MKX: variants seen among roughly 807,000 people sequenced by gnomAD.
MKX encodes the protein homeobox protein Mohawk.
In MKX, 13 loss-of-function variants were observed where a neutral mutation model predicts 36.0. That is an observed-to-expected ratio of 0.36 (90% confidence interval 0.24 to 0.57). MKX has a LOEUF of 0.57. Ranked by LOEUF, MKX falls within the 20% of genes least tolerant of loss-of-function variation. The probability of loss-of-function intolerance (pLI) is 0.79; values close to 1 mark genes in which losing one functional copy is unlikely to be tolerated. For synonymous variants in MKX, 176 were observed against 178.3 expected (o/e 0.99, Z 0.10); for missense variants, 458 against 456.4 (o/e 1.00, Z -0.03).
chr10:27,675,014 T>G lies in MKX; in HGVS notation c.*215A>C. 2.2e-6 allele frequency: 1 copy of G among 451,004 alleles called. No individual in the cohort carries two copies. Among genetic ancestry groups the G allele is most frequent in the Non-Finnish European group, 3.9e-6 (1 of 256,198 alleles). The allele number at this position is 451,004 out of a possible 1,614,324, so 27.9% of individuals were successfully genotyped here. A position where few individuals can be genotyped will look rare whatever the true frequency, so the allele number is the denominator to read the frequency against. On this transcript the variant is annotated 3_prime_UTR_variant, in exon 7 of 7. Transcript: ENST00000419761. ...GTAATGCAGATGTTTTATGCATAGT[T>G]TGAGTAACATAAAATAAGTTAATAT... is the stretch of plus-strand genomic sequence containing the variant.
intron 3 of MKX, among the ~76,000 whole-genome samples, chr10:27,738,713 A>T (rs1834830671): frequency 6.6e-6 from 1 of 152,066 alleles, no homozygotes; most frequent in East Asian, 1.9e-4. Context: ...TATTCATCCT[A>T]CTTTAACAAA....
intron 3 of MKX, among the ~76,000 whole-genome samples, chr10:27,740,876 C>T (rs920849828): frequency 2.6e-5 from 4 of 152,206 alleles, no homozygotes; most frequent in African/African-American, 9.7e-5. Flanking sequence ...GAAAGTTACT[C>T]TGTACCTGAG....
chr10:27,700,117 T>C (rs900842194), intron 5 of MKX, among the ~76,000 whole-genome samples: 19 of 152,214 alleles, frequency 1.2e-4, no homozygotes, highest in Admixed American at 2.6e-4. Flanking sequence ...ATTCACAATA[T>C]GTTTTTGGGA....
intron 5 of MKX, among the ~76,000 whole-genome samples, chr10:27,691,917 G>A (rs1836460695): frequency 6.6e-6 from 1 of 152,154 alleles, no homozygotes; most frequent in East Asian, 1.9e-4. Flanking sequence ...GTGTTCCATG[G>A]TGTATATGTA....
At chr10:27,722,114 T>C (rs1423672758) in intron 5 of MKX, among the ~76,000 whole-genome samples, 1 of 152,144 alleles carries the variant, frequency 6.6e-6, no homozygotes, top group Non-Finnish European at 1.5e-5. Context: ...AAATATAGCA[T>C]ACTTCTATAA....
chr10:27,714,606 C>A (rs540403689), intron 5 of MKX, among the ~76,000 whole-genome samples: 11 of 152,176 alleles, frequency 7.2e-5, no homozygotes, highest in African/African-American at 2.2e-4. Flanking sequence ...AACCAGGATG[C>A]AATATTTTAA....
Position 27,741,414 on chromosome 10 carries a change from A to T in MKX, c.279T>A (p.Arg93=), listed in dbSNP as rs563753023. ...RPLKQWLYKH[R]DNPYPTKTEK... ...CGGTCTTGGTGGGGTACGGGTTGTC[A>T]CGGTGCTTGTAAAGCCACTGCTTGA... The change falls in exon 3 of 7, where the codon CGT becomes CGA. Residue 93 remains arginine, a synonymous_variant. Coordinates refer to ENST00000419761, the MANE Select transcript of MKX (RefSeq NM_173576.3). This position sits in a 1 kb window ranked among gnomAD's most constrained non-coding sequence, Gnocchi z 5.1. 3.7e-6 allele frequency: 6 copies of T among 1,613,152 alleles called. No individual in the cohort carries two copies. The African/African-American group carries it at 8.0e-5, about 22-fold the overall frequency.
intron 5 of MKX, among the ~76,000 whole-genome samples, chr10:27,695,543 A>G (rs1043292298): frequency 3.3e-5 from 5 of 152,278 alleles, no homozygotes; most frequent in Non-Finnish European, 4.4e-5. Context: ...TACAAGATAG[A>G]TGGTTTGTTA....
In MKX at chr10:27,741,448, G is replaced by A. The variant is rs868476736; in HGVS notation, c.245C>T (p.Ala82Val). ...RHKRQALQDM[A>V]RPLKQWLYKH... Reference sequence around the variant, plus strand: ...GTAAAGCCACTGCTTGAGGGGTCGCGCCATGTCTTGCAGGGCCTGCCGCTT... The same window carrying A: ...GTAAAGCCACTGCTTGAGGGGTCGCACCATGTCTTGCAGGGCCTGCCGCTT... The change falls in exon 3 of 7, where the codon GCG becomes GTG. Residue 82 changes from alanine (A) to valine (V), a missense_variant. Around this residue, in one of 3 missense-constraint regions of MKX, gnomAD observed 12 missense variants for 37.6 expected, o/e 0.32. Coordinates refer to ENST00000419761, the MANE Select transcript of MKX (RefSeq NM_173576.3). This position sits in a 1 kb window ranked among gnomAD's most constrained non-coding sequence, Gnocchi z 5.1. 6.2e-7 allele frequency: 1 copy of A among 1,611,198 alleles called. No individual in the cohort carries two copies. The highest frequency in any genetic ancestry group is 8.5e-7 in the Non-Finnish European group (1 of 1,179,010).
At chr10:27,706,699 C>A (rs1836762841) in intron 5 of MKX, among the ~76,000 whole-genome samples, 1 of 151,990 alleles carries the variant, frequency 6.6e-6, no homozygotes, top group Non-Finnish European at 1.5e-5. Context: ...ATTTGTATAT[C>A]TTCTTTGGAA....
intron 5 of MKX, among the ~76,000 whole-genome samples, chr10:27,700,657 A>C (rs1300057717): frequency 6.6e-6 from 1 of 152,156 alleles, no homozygotes; most frequent in African/African-American, 2.4e-5. Context: ...GAGTGTTTCA[A>C]AGGTGGAAGT....
At chr10:27,685,557 T>C (rs1836329922) in intron 5 of MKX, among the ~76,000 whole-genome samples, 1 of 151,416 alleles carries the variant, frequency 6.6e-6, no homozygotes. Flanking sequence ...CACGCCATTC[T>C]CCTGCCTCAG....
At chr10:27,715,978 C>T (rs1589680048) in intron 5 of MKX, among the ~76,000 whole-genome samples, 1 of 152,102 alleles carries the variant, frequency 6.6e-6, no homozygotes, top group East Asian at 1.9e-4. Flanking sequence ...GCCATCTTTT[C>T]CCAGGATTGG....
At position 27,722,156 on chromosome 10, in the gene MKX, G is replaced by A. The variant is rs549683153; in HGVS notation, c.838+12300C>T. Among the ~76,000 whole-genome samples, 11 of 152,166 alleles carry A rather than the reference G, an allele frequency of 7.2e-5. No individual in the cohort carries two copies. In the South Asian group the frequency reaches 2.3e-3, roughly 32 times the overall value. On this transcript the variant is annotated intron_variant, in intron 5 of 6. Transcript: ENST00000419761. ...GAGAGATCTCCTAAAAATGACACAC[G>A]ACATAAGGCAAGCATTGCCAGATGT...
At chr10:27,708,208 T>C (rs1836789982) in intron 5 of MKX, among the ~76,000 whole-genome samples, 1 of 152,202 alleles carries the variant, frequency 6.6e-6, no homozygotes, top group Non-Finnish European at 1.5e-5. Context: ...ATGCTGGCCG[T>C]AGAGAACTCA....
Position 27,743,363 on chromosome 10 carries a change from C to A in MKX, c.53G>T (p.Gly18Val). ...KLSGAVLFED[G>V]GASERERGGR... Reference sequence around the variant, plus strand: ...ACCCCGCTCCCGCTCCGAGGCGCCTCCGTCCTCAAACAGCACCGCACCGCT... The same window carrying A: ...ACCCCGCTCCCGCTCCGAGGCGCCTACGTCCTCAAACAGCACCGCACCGCT... The change falls in exon 2 of 7, where the codon GGA (glycine) becomes GTA (valine). Residue 18 changes from glycine (G) to valine (V), a missense_variant. Physicochemically the swap from Gly to Val is moderately radical, Grantham distance 109 (BLOSUM62 -3). Transcript: ENST00000419761. 1 of 1,578,446 alleles carries A rather than the reference C, an allele frequency of 6.3e-7. No homozygotes were observed. Among genetic ancestry groups the A allele is most frequent in the Non-Finnish European group, 8.6e-7 (1 of 1,164,702 alleles).
chr10:27,732,531 C>A (rs140400004), intron 5 of MKX, among the ~76,000 whole-genome samples: 70 of 151,964 alleles, frequency 4.6e-4, no homozygotes, highest in African/African-American at 1.6e-3. Context: ...TTTTAATTTG[C>A]GTCGATTTTT....
chr10:27,688,688 A>C (rs1300372480), intron 5 of MKX, among the ~76,000 whole-genome samples: 1 of 152,194 alleles, frequency 6.6e-6, no homozygotes, highest in Non-Finnish European at 1.5e-5. Flanking sequence ...TCCTTTTTAC[A>C]TGCAGGTTGA....
chr10:27,701,284 A>AGCGGTGCGCATCACGGCAC (rs1554771209), intron 5 of MKX, among the ~76,000 whole-genome samples: 4 of 145,178 alleles, frequency 2.8e-5, no homozygotes, highest in Admixed American at 1.4e-4. Flanking sequence ...AAAGAACTGA[A>AGCGGTGCGCATCACGGCAC]GCGGTGCACA....
Sources: allele counts gnomAD v4.1 joint callset (sites outside exome capture counted in the v4.1 genomes callset), GRCh38; gene constraint gnomAD v4.1.1; regional missense constraint gnomAD v4.1.1; non-coding constraint Gnocchi (gnomAD v3.1); transcripts MANE v1.5; gene names NCBI Gene and HGNC (gene_info 2026-07-23, HGNC 2026-07-21).